SNTG1: variants seen among roughly 807,000 people sequenced by gnomAD.
SNTG1 encodes gamma-1-syntrophin.
Under a neutral mutation model 74.7 loss-of-function variants are expected in SNTG1, and 39 were observed. The observed-to-expected ratio is 0.52, with a 90% CI of 0.40 to 0.68. The LOEUF (loss-of-function observed/expected upper bound fraction) is 0.68, where lower values mean the gene tolerates loss of function less well. SNTG1 is among the 30% of genes least tolerant of loss of function. The pLI is 0.00. For synonymous variants in SNTG1, 254 were observed against 217.1 expected, an observed-to-expected ratio of 1.17 and a Z score of -1.49; for missense variants, 685 against 609.5, an observed-to-expected ratio of 1.12 and a Z score of -1.30.
chr8:50,693,108 C>T (rs1468416852), intron 15 of SNTG1, among the ~76,000 whole-genome samples: 1 of 152,106 alleles, frequency 6.6e-6, no homozygotes, highest in Non-Finnish European at 1.5e-5. Context: ...TGGAAAAGCG[C>T]AGTATTAGGG....
chr8:50,700,199 G>A (rs117923434), intron 15 of SNTG1, among the ~76,000 whole-genome samples: 3,791 of 152,166 alleles, frequency 0.025, 61 homozygotes, highest in Middle Eastern at 0.041. Context: ...AATACTTCTA[G>A]TCAATGCCAG....
intron 2 of SNTG1, among the ~76,000 whole-genome samples, chr8:50,197,900 C>T (rs965697544): frequency 6.6e-6 from 1 of 152,028 alleles, no homozygotes; most frequent in African/African-American, 2.4e-5. Flanking sequence ...AATTATCAGT[C>T]TTTATTCTCA....
intron 2 of SNTG1, among the ~76,000 whole-genome samples, chr8:50,223,182 G>GT: frequency 6.6e-6 from 1 of 152,186 alleles, no homozygotes; most frequent in African/African-American, 2.4e-5. Flanking sequence ...CTGCTAATGG[G>GT]TATAGGTTTA....
At chr8:49,981,940 T>G (rs1812716302) in intron 1 of SNTG1, among the ~76,000 whole-genome samples, 1 of 152,134 alleles carries the variant, frequency 6.6e-6, no homozygotes, top group Non-Finnish European at 1.5e-5. Context: ...TTTTTTGTTG[T>G]TGTGGGTGTG....
chr8:50,600,599 TA>T (rs2094765582), intron 13 of SNTG1, among the ~76,000 whole-genome samples: 1 of 152,154 alleles, frequency 6.6e-6, no homozygotes, highest in African/African-American at 2.4e-5. Context: ...TAATAGCAAA[TA>T]TATAAATTTC....
chr8:50,723,629 A>G (rs2131597924), intron 17 of SNTG1, among the ~76,000 whole-genome samples: 1 of 152,338 alleles, frequency 6.6e-6, no homozygotes, highest in South Asian at 2.1e-4. Context: ...CTGTTTTAAT[A>G]TGTTTATTTT....
At chr8:50,149,428 G>A (rs1586484605) in intron 1 of SNTG1, among the ~76,000 whole-genome samples, 1 of 152,114 alleles carries the variant, frequency 6.6e-6, no homozygotes, top group East Asian at 1.9e-4. Context: ...GGCTTTTGTT[G>A]CCATTGCTTT....
At chr8:50,230,145 G>GT (rs2085541326) in intron 2 of SNTG1, among the ~76,000 whole-genome samples, 1 of 151,416 alleles carries the variant, frequency 6.6e-6, no homozygotes, top group Non-Finnish European at 1.5e-5. Flanking sequence ...AAACAATAAT[G>GT]TCAGCTTCCA....
In SNTG1 at chr8:50,792,581, T is replaced by A. The variant is rs1220488803; in HGVS notation, c.1396-90T>A. 2.4e-6 allele frequency: 3 copies of A among 1,250,596 alleles called. No homozygotes were observed. The African/African-American group carries it at 4.6e-5, about 19-fold the overall frequency. The allele number at this position is 1,250,596 out of a possible 1,614,324, so 77.5% of individuals were successfully genotyped here. A position where few individuals can be genotyped will look rare whatever the true frequency, so the allele number is the denominator to read the frequency against. Reference sequence around the variant, plus strand: ...TTACATATCATAGATTCTAGATAAGTGTATTGAAATTGAAAAAAAATCTAG... The same window carrying A: ...TTACATATCATAGATTCTAGATAAGAGTATTGAAATTGAAAAAAAATCTAG... On this transcript the variant is annotated intron_variant, in intron 18 of 18. Coordinates refer to ENST00000642720, the MANE Select transcript of SNTG1 (RefSeq NM_018967.5).
At chr8:49,930,499 A>G (rs200126425) in intron 1 of SNTG1, among the ~76,000 whole-genome samples, 1 of 19,526 alleles carries the variant, frequency 5.1e-5, no homozygotes, top group Admixed American at 9.7e-4. Context: ...GAGATATATA[A>G]TATATATGTG....
chr8:50,306,828 T>G (rs1266672289), intron 2 of SNTG1, among the ~76,000 whole-genome samples: 1 of 152,124 alleles, frequency 6.6e-6, no homozygotes. Context: ...TCTCCCATTC[T>G]GTGGGTTATC....
At chr8:50,670,962 AAT>A (rs1253561156) in intron 15 of SNTG1, among the ~76,000 whole-genome samples, 3 of 151,068 alleles carry the variant, frequency 2.0e-5, no homozygotes, top group Non-Finnish European at 1.5e-5. Context: ...CTATTTAATA[AAT>A]GGTGCTGGGA....
At chr8:50,407,373 T>C (rs773266801) in intron 4 of SNTG1, among the ~76,000 whole-genome samples, 3 of 152,138 alleles carry the variant, frequency 2.0e-5, no homozygotes, top group Non-Finnish European at 4.4e-5. Context: ...TCTGAAGTCC[T>C]GGGTGGAAAA....
intron 17 of SNTG1, chr8:50,747,804 C>T (rs1030564382): frequency 2.0e-5 from 3 of 151,872 alleles, no homozygotes; most frequent in Non-Finnish European, 2.9e-5. Context: ...GGCACGATCA[C>T]GGCTCACTGT....
chr8:50,089,369 C>A (rs922620849), intron 1 of SNTG1, among the ~76,000 whole-genome samples: 1 of 150,200 alleles, frequency 6.7e-6, no homozygotes, highest in Non-Finnish European at 1.5e-5. Context: ...GTCTAAAACA[C>A]CAAAAGCAAT....
intron 8 of SNTG1, among the ~76,000 whole-genome samples, chr8:50,469,157 T>A (rs934112369): frequency 6.6e-6 from 1 of 152,210 alleles, no homozygotes; most frequent in African/African-American, 2.4e-5. Context: ...TTCCTACATT[T>A]CTTGCAGTGG....
chr8:50,331,813 T>C (rs1164106511), intron 2 of SNTG1, among the ~76,000 whole-genome samples: 1 of 152,172 alleles, frequency 6.6e-6, no homozygotes. Flanking sequence ...TTTCTTTACG[T>C]CAGAACTTAT....
chr8:50,155,518 T>C (rs1254066922), intron 1 of SNTG1, among the ~76,000 whole-genome samples: 1 of 152,100 alleles, frequency 6.6e-6, no homozygotes, highest in Non-Finnish European at 1.5e-5. Context: ...TTTTAAGTTA[T>C]GACACTACAG....
At chr8:50,258,981 A>G (rs1477041007) in intron 2 of SNTG1, among the ~76,000 whole-genome samples, 1 of 152,188 alleles carries the variant, frequency 6.6e-6, no homozygotes, top group Admixed American at 6.5e-5. Flanking sequence ...AAATGAAAAG[A>G]GACCTAAATC....
Sources: gnomAD v4.1 joint callset for allele counts (sites outside exome capture counted in the v4.1 genomes callset) on GRCh38, gnomAD v4.1.1 for gene constraint, MANE v1.5 for transcripts, NCBI Gene and HGNC (gene_info 2026-07-23, HGNC 2026-07-21) for gene names.